The following ASAP3 variants were observed in gnomAD, a reference collection of about 807,000 sequenced individuals.
ASAP3 encodes the protein ArfGAP with SH3 domain, ankyrin repeat and PH domain 3.
In ASAP3, 85 loss-of-function variants were observed where a neutral mutation model predicts 118.2. That is an observed-to-expected ratio of 0.72 (90% CI 0.60 to 0.86). ASAP3 has a LOEUF of 0.86. Among genes scored for constraint, ASAP3 ranks in the 40% least tolerant of loss-of-function variants. The pLI is 0.00. For missense variants in ASAP3, 1,026 were observed against 1,175.0 expected (o/e 0.87, Z 1.85); for synonymous variants, 432 against 477.4 (o/e 0.90, Z 1.24).
intron 1 of ASAP3, chr1:23,480,217 A>C (rs1427502145): frequency 2.0e-5 from 3 of 152,202 alleles, no homozygotes; most frequent in African/African-American, 7.2e-5. Context: ...TTTCTTTTAA[A>C]ATTTCAAAAA....
In ASAP3 at chr1:23,437,087, C is replaced by T; in HGVS notation, c.1342+43G>A. ...TGGAGCCTGGAGGTGCAGCCCCTCC[C>T]CTCCACTTAAGCCTCCCTCCTGCCC... On this transcript the variant is annotated intron_variant, in intron 14 of 24. Coordinates refer to ENST00000336689, the MANE Select transcript of ASAP3 (RefSeq NM_017707.4). This position sits in a 1 kb window ranked among gnomAD's most constrained non-coding sequence, Gnocchi z 6.1. 5 of 1,601,658 alleles carry T rather than the reference C, an allele frequency of 3.1e-6. No homozygotes were observed. Among genetic ancestry groups the T allele is most frequent in the Non-Finnish European group, 4.3e-6 (5 of 1,173,858 alleles).
intron 1 of ASAP3, among the ~76,000 whole-genome samples, chr1:23,471,100 C>T (rs1382224563): frequency 3.9e-5 from 6 of 152,214 alleles, no homozygotes; most frequent in African/African-American, 1.4e-4. Flanking sequence ...TCCCTCCCTG[C>T]CCCCCACTTG....
chr1:23,472,490 A>C (rs1413554591), intron 1 of ASAP3, among the ~76,000 whole-genome samples: 1 of 152,188 alleles, frequency 6.6e-6, no homozygotes, highest in Non-Finnish European at 1.5e-5. Flanking sequence ...AATGTTTGAC[A>C]AAGAAATGAA....
At chr1:23,442,464 C>T (rs1305978344) in intron 6 of ASAP3, 37 bp downstream of exon 6, 6 of 1,604,302 alleles carry the variant, frequency 3.7e-6, no homozygotes, top group Non-Finnish European at 5.1e-6. Context: ...GAAGACACAT[C>T]CCACGCCCCC....
intron 17 of ASAP3, among the ~76,000 whole-genome samples, chr1:23,434,983 C>A (rs1640586351): frequency 6.6e-6 from 1 of 152,112 alleles, no homozygotes; most frequent in African/African-American, 2.4e-5. Context: ...GCTGCACTGC[C>A]CATTGGATAG....
At position 23,430,019 on chromosome 1, in the gene ASAP3, T is replaced by C. The variant is rs1260790310; in HGVS notation, c.2638-89A>G. ...ACTCAGTTTCACATCTGTCCTATTG[T>C]AGATAAATTAAATTATTCTCATTTT... On this transcript the variant is annotated intron_variant, in intron 24 of 24. Transcript: ENST00000336689. 10 of 1,073,076 alleles carry C rather than the reference T, an allele frequency of 9.3e-6. No individual in the cohort carries two copies. In the East Asian group the frequency reaches 2.3e-4, roughly 25 times the overall value. 66.5% of individuals were successfully genotyped at this position (1,073,076 alleles called of 1,614,324 possible). A position where few individuals can be genotyped will look rare whatever the true frequency, so the allele number is the denominator to read the frequency against.
At chr1:23,442,105 C>T (rs1640891977) in intron 7 of ASAP3, 81 bp downstream of exon 7, 2 of 1,432,054 alleles carry the variant, frequency 1.4e-6, no homozygotes, top group Admixed American at 2.0e-5. Context: ...CAAAGAGACT[C>T]TCAGGTCTAT....
At chr1:23,465,000 G>T (rs538365897) in intron 1 of ASAP3, among the ~76,000 whole-genome samples, 1 of 152,178 alleles carries the variant, frequency 6.6e-6, no homozygotes, top group African/African-American at 2.4e-5. Flanking sequence ...GCTCCACCAG[G>T]TACCTGATGT....
At chr1:23,464,755 G>A (rs1244109624) in intron 1 of ASAP3, among the ~76,000 whole-genome samples, 1 of 150,504 alleles carries the variant, frequency 6.6e-6, no homozygotes, top group Non-Finnish European at 1.5e-5. Context: ...CTCAAGGTGG[G>A]GGCCCTCAAC....
At chr1:23,467,786 C>T (rs1184841488) in intron 1 of ASAP3, among the ~76,000 whole-genome samples, 1 of 151,644 alleles carries the variant, frequency 6.6e-6, no homozygotes, top group Non-Finnish European at 1.5e-5. Context: ...TCCGTCTCTA[C>T]TAAAAATACA....
intron 1 of ASAP3, among the ~76,000 whole-genome samples, chr1:23,467,400 T>C (rs1641810303): frequency 6.6e-6 from 1 of 152,110 alleles, no homozygotes; most frequent in Non-Finnish European, 1.5e-5. Context: ...TCACAGTGTT[T>C]TCCCCACTGA....
At chr1:23,467,742 G>C (rs1641821374) in intron 1 of ASAP3, among the ~76,000 whole-genome samples, 1 of 151,896 alleles carries the variant, frequency 6.6e-6, no homozygotes, top group Non-Finnish European at 1.5e-5. Flanking sequence ...ACGAGGTCAG[G>C]AGTTCAAGAC....
intron 1 of ASAP3, 22 bp from the exon 2 acceptor site, chr1:23,456,216 G>T: frequency 1.2e-6 from 2 of 1,611,960 alleles, no homozygotes; most frequent in Non-Finnish European, 1.7e-6. Context: ...TGTGGACAGA[G>T]GTTCAGGGAT....
chr1:23,482,774 C>T (rs1464701213), intron 1 of ASAP3, among the ~76,000 whole-genome samples: 2 of 151,958 alleles, frequency 1.3e-5, no homozygotes, highest in African/African-American at 2.4e-5. Context: ...CGGTGAAACC[C>T]CGTCTCTACT....
At chr1:23,446,499 G>A (rs978904329) in intron 5 of ASAP3, among the ~76,000 whole-genome samples, 23 of 147,846 alleles carry the variant, frequency 1.6e-4, no homozygotes, top group Middle Eastern at 7.0e-3. Flanking sequence ...GTGCCATGGC[G>A]CCATCTCAGC....
intron 1 of ASAP3, among the ~76,000 whole-genome samples, chr1:23,466,075 G>C (rs1273304408): frequency 6.6e-6 from 1 of 152,112 alleles, no homozygotes; most frequent in African/African-American, 2.4e-5. Context: ...CACTGTAAAG[G>C]ATGTCCTACT....
chr1:23,442,304 G>A, intron 6 of ASAP3, 33 bp from the exon 7 acceptor site: 2 of 1,587,014 alleles, frequency 1.3e-6, no homozygotes, highest in Non-Finnish European at 1.7e-6. Flanking sequence ...TACGTGATGT[G>A]AGCTGAAGCA....
rs1288402019 is a variant in ASAP3 at position 23,437,586 on chromosome 1, C to G, written c.1103-114G>C. The G allele has an allele frequency of 7.6e-7, 1 of 1,322,786 alleles. No individual in the cohort carries two copies. Among genetic ancestry groups the G allele is most frequent in the East Asian group, 2.4e-5 (1 of 41,052 alleles). 81.9% of individuals were successfully genotyped at this position (1,322,786 alleles called of 1,614,324 possible). On this transcript the variant is annotated intron_variant, in intron 12 of 24. Coordinates refer to ENST00000336689, the MANE Select transcript of ASAP3 (RefSeq NM_017707.4). The surrounding 1 kb of genome is among the most constrained non-coding windows in gnomAD (Gnocchi z 6.1). Reference sequence around the variant, plus strand: ...ACATGGAGATGTGTCCCTGACAAGTCGGACTCTCAAGCTAGGAGTGGGAAG... The same window carrying G: ...ACATGGAGATGTGTCCCTGACAAGTGGGACTCTCAAGCTAGGAGTGGGAAG...
chr1:23,435,557 C>A (rs1373103897), intron 17 of ASAP3, among the ~76,000 whole-genome samples: 1 of 152,204 alleles, frequency 6.6e-6, no homozygotes, highest in Non-Finnish European at 1.5e-5. Flanking sequence ...CCTTTATATA[C>A]ATGACTTCTC....
Sources: allele counts gnomAD v4.1 joint callset (sites outside exome capture counted in the v4.1 genomes callset), GRCh38; gene constraint gnomAD v4.1.1; non-coding constraint Gnocchi (gnomAD v3.1); transcripts MANE v1.5; gene names NCBI Gene and HGNC (gene_info 2026-07-23, HGNC 2026-07-21).